PEBP4: variants seen among roughly 807,000 people sequenced by gnomAD.
PEBP4 encodes the protein phosphatidylethanolamine binding protein 4.
In PEBP4, 22 loss-of-function variants were observed where a neutral mutation model predicts 23.9. That is an observed-to-expected ratio of 0.92 (90% confidence interval 0.66 to 1.31). The LOEUF is 1.31. Among genes scored for constraint, PEBP4 ranks in the 40% most tolerant of loss-of-function variants. The pLI, the probability that PEBP4 is intolerant of heterozygous loss-of-function variation, is 0.00. For synonymous variants in PEBP4, 112 were observed against 99.3 expected, an observed-to-expected ratio of 1.13 and a Z score of -0.76; for missense variants, 324 against 281.7, an observed-to-expected ratio of 1.15 and a Z score of -1.07.
At chr8:22,817,139 A>C (rs1232301512) in intron 4 of PEBP4, among the ~76,000 whole-genome samples, 1 of 152,188 alleles carries the variant, frequency 6.6e-6, no homozygotes, top group African/African-American at 2.4e-5. Flanking sequence ...TTCTGTACAC[A>C]AAGAAAAGGA....
chr8:22,765,293 G>T (rs1214542722), intron 4 of PEBP4, among the ~76,000 whole-genome samples: 2 of 152,076 alleles, frequency 1.3e-5, no homozygotes, highest in East Asian at 3.9e-4. Context: ...ACAGGTATGT[G>T]CCACCACACC....
chr8:22,776,783 G>T (rs111776481), intron 4 of PEBP4, among the ~76,000 whole-genome samples: 1 of 144,558 alleles, frequency 6.9e-6, no homozygotes, highest in Non-Finnish European at 1.5e-5. Flanking sequence ...TTTTCTGATC[G>T]GGCATCCGAG....
intron 2 of PEBP4, among the ~76,000 whole-genome samples, chr8:22,924,198 T>A (rs907579952): frequency 6.6e-5 from 10 of 152,066 alleles, no homozygotes; most frequent in Non-Finnish European, 1.5e-4. Context: ...CTCCCAACTC[T>A]ACAAAAAATA....
upstream of PEBP4, among the ~76,000 whole-genome samples, chr8:22,928,111 G>T (rs528651563): frequency 5.9e-5 from 9 of 152,372 alleles, no homozygotes; most frequent in African/African-American, 2.2e-4. Context: ...GCTGGCCAAA[G>T]GCCAGCCTGC....
In PEBP4 at chr8:22,898,389, CCCAAAAAAAAAAAAAAAAAAAAA is replaced by C. The variant is rs1808634965; in HGVS notation, c.258+21772_258+21794del. Among the ~76,000 whole-genome samples the C allele has an allele frequency of 2.0e-4, 17 of 86,688 alleles. 1 individual carries two copies. The East Asian group carries it at 5.1e-3, about 26-fold the overall frequency. 56.9% of individuals were successfully genotyped at this position (86,688 alleles called of 152,430 possible). On this transcript the variant is annotated intron_variant, in intron 3 of 6. Transcript: ENST00000256404. ...CCTGAGCGACAGAGGAAGACTCCAC[CCCAAAAAAAAAAAAAAAAAAAAA>C]AAAAAAAAAAAAAAAAAAACCCACC...
chr8:22,719,117 G>A (rs991642660), intron 6 of PEBP4, among the ~76,000 whole-genome samples: 3 of 152,156 alleles, frequency 2.0e-5, no homozygotes, highest in African/African-American at 4.8e-5. Flanking sequence ...CTGAGCTGCC[G>A]AATTTGGGTG....
chr8:22,937,631 C>G lies in PEBP4; in HGVS notation c.145-9911G>C, dbSNP rs1809557250. On this transcript the variant is annotated intron_variant, in intron 1 of 1. Coordinates refer to the PEBP4 transcript ENST00000522278. ...TGGGACCCCAAATAGTCAAAACAGT[C>G]TTGAAAAGAAAACATAGTTGAAGGA... is the stretch of plus-strand genomic sequence containing the variant. Among the ~76,000 whole-genome samples, 7 of 152,022 alleles carry G rather than the reference C, an allele frequency of 4.6e-5. 1 individual carries two copies. The highest frequency in any genetic ancestry group is 4.6e-4 in the Admixed American group (7 of 15,258).
intron 3 of PEBP4, among the ~76,000 whole-genome samples, chr8:22,859,871 G>T (rs1807729410): frequency 1.3e-5 from 2 of 151,544 alleles, no homozygotes; most frequent in Admixed American, 6.6e-5. Flanking sequence ...AAAAAATATT[G>T]TCTTTGGGAG....
rs552614344 is a variant in PEBP4, at chr8:22,851,602, C to T, written c.259-33867G>A. 3.9e-5 allele frequency among the ~76,000 whole-genome samples: 6 copies of T among 152,266 alleles called. No individual in the cohort carries two copies. The East Asian group carries it at 1.2e-3, about 29-fold the overall frequency. ...TTGCGGTGCTCTCCCAGGGCGCCAC[C>T]CACCACACATTAGAGTTACTCGGGT... On this transcript the variant is annotated intron_variant, in intron 3 of 6. Coordinates refer to ENST00000256404, the MANE Select transcript of PEBP4 (RefSeq NM_144962.3).
intron 3 of PEBP4, among the ~76,000 whole-genome samples, chr8:22,838,924 C>T (rs1377039298): frequency 6.6e-6 from 1 of 152,232 alleles, no homozygotes; most frequent in Non-Finnish European, 1.5e-5. Flanking sequence ...TAACATGTAG[C>T]ATTTCTATTA....
chr8:22,897,127 G>A (rs916125513), intron 3 of PEBP4, among the ~76,000 whole-genome samples: 3 of 152,040 alleles, frequency 2.0e-5, no homozygotes, highest in Non-Finnish European at 4.4e-5. Flanking sequence ...AGGCATAGGA[G>A]AAACATTCAA....
chr8:22,736,789 A>G (rs1377992673), intron 4 of PEBP4, among the ~76,000 whole-genome samples: 1 of 152,202 alleles, frequency 6.6e-6, no homozygotes, highest in Non-Finnish European at 1.5e-5. Flanking sequence ...CTGAAGTCAT[A>G]TAGGGAATTG....
rs1451639559 is a variant in PEBP4 at position 22,888,184 on chromosome 8, C to T, written c.258+32000G>A. Among the ~76,000 whole-genome samples the T allele has an allele frequency of 2.4e-5, 3 of 126,626 alleles. No individual in the cohort carries two copies. In the East Asian group the frequency reaches 7.2e-4, roughly 30 times the overall value. 83.1% of individuals were successfully genotyped at this position (126,626 alleles called of 152,430 possible). A position where few individuals can be genotyped will look rare whatever the true frequency, so the allele number is the denominator to read the frequency against. On this transcript the variant is annotated intron_variant, in intron 3 of 6. Coordinates refer to ENST00000256404, the MANE Select transcript of PEBP4 (RefSeq NM_144962.3). The stretch of plus-strand genomic sequence containing the variant: ...TTTTTTTTTTTTTTTGAGACAGTTT[C>T]GCTCTGTTGCCCAGGCTGGAGTGCA...
intron 6 of PEBP4, among the ~76,000 whole-genome samples, chr8:22,722,770 ATT>A (rs1554478099): frequency 8.5e-4 from 124 of 146,024 alleles, no homozygotes; most frequent in African/African-American, 3.0e-3. Context: ...TGGGAGGGCC[ATT>A]TTTTTTTTTT....
chr8:22,715,162 G>A (rs1229475078), intron 6 of PEBP4, among the ~76,000 whole-genome samples: 1 of 152,188 alleles, frequency 6.6e-6, no homozygotes, highest in East Asian at 1.9e-4. Flanking sequence ...TGGGGCCCAG[G>A]GGGGCTGGAA....
At chr8:22,774,079 A>C (rs1227276275) in intron 4 of PEBP4, among the ~76,000 whole-genome samples, 1 of 152,016 alleles carries the variant, frequency 6.6e-6, no homozygotes, top group Non-Finnish European at 1.5e-5. Context: ...GGTTTCACAG[A>C]GCTGTGAGGT....
chr8:22,868,772 T>G (rs1807953544), intron 3 of PEBP4, among the ~76,000 whole-genome samples: 1 of 152,178 alleles, frequency 6.6e-6, no homozygotes, highest in South Asian at 2.1e-4. Flanking sequence ...TGACCACGTC[T>G]CACCGACTTC....
intron 6 of PEBP4, among the ~76,000 whole-genome samples, chr8:22,718,777 T>C (rs1804462432): frequency 6.6e-6 from 1 of 151,670 alleles, no homozygotes; most frequent in Non-Finnish European, 1.5e-5. Flanking sequence ...GTGTGTGCGC[T>C]GGTGGGGGGC....
intron 3 of PEBP4, among the ~76,000 whole-genome samples, chr8:22,851,220 G>A (rs59096810): frequency 0.014 from 2,105 of 152,248 alleles, 48 homozygotes; most frequent in African/African-American, 0.048. Context: ...GGACTCCACG[G>A]AGACTCCTGG....
Sources: allele counts gnomAD v4.1 joint callset (sites outside exome capture counted in the v4.1 genomes callset), GRCh38; gene constraint gnomAD v4.1.1; transcripts MANE v1.5; gene names NCBI Gene and HGNC (gene_info 2026-07-23, HGNC 2026-07-21).